CMSS1: variants seen among roughly 807,000 people sequenced by gnomAD.
CMSS1 encodes cms1 ribosomal small subunit homolog.
In CMSS1, 33 loss-of-function variants were observed where a neutral mutation model predicts 43.5. The ratio of observed to expected loss-of-function variants is 0.76; its 90% CI spans 0.57 to 1.01. CMSS1 has a LOEUF of 1.01. Among genes scored for constraint, CMSS1 ranks in the 50% least tolerant of loss-of-function variants. CMSS1 has a pLI of 0.00. For missense variants in CMSS1, 313 were observed against 326.4 expected (o/e 0.96, Z 0.32); for synonymous variants, 115 against 117.2 (o/e 0.98, Z 0.12).
chr3:100,023,790 C>T (rs1245644723), intron 1 of CMSS1, among the ~76,000 whole-genome samples: 1 of 152,178 alleles, frequency 6.6e-6, no homozygotes, highest in African/African-American at 2.4e-5. Context: ...CTCTGCATGT[C>T]TTACTCTCAG....
intron 1 of CMSS1, among the ~76,000 whole-genome samples, chr3:100,093,745 C>G (rs996839274): frequency 1.3e-5 from 2 of 152,196 alleles, no homozygotes; most frequent in African/African-American, 4.8e-5. Context: ...ATCACTACTT[C>G]TCAATTTATA....
rs527824455 is a variant in CMSS1 at position 99,903,890 on chromosome 3, G to T, written c.64+85847G>T. On this transcript the variant is annotated intron_variant, in intron 1 of 9. Transcript: ENST00000421999. ...GTCGTCCCCTGCTGCTTCATTTAATGGTACTCATTTGTCCTAAATAAAAAA... is the reference window on the plus strand; with the variant it reads ...GTCGTCCCCTGCTGCTTCATTTAATTGTACTCATTTGTCCTAAATAAAAAA... Among the ~76,000 whole-genome samples the T allele has an allele frequency of 3.1e-3, 471 of 152,170 alleles. 4 individuals are homozygous for T. The highest frequency in any genetic ancestry group is 0.011 in the African/African-American group (446 of 41,506).
intron 1 of CMSS1, among the ~76,000 whole-genome samples, chr3:99,947,758 G>A (rs1350831319): frequency 1.3e-5 from 2 of 152,176 alleles, no homozygotes; most frequent in African/African-American, 4.8e-5. Context: ...TAGAAGGCAT[G>A]TATACTGCTG....
intron 1 of CMSS1, chr3:99,850,132 TCA>T: frequency 3.7e-6 from 6 of 1,612,246 alleles, no homozygotes; most frequent in Non-Finnish European, 5.1e-6. Context: ...TAATTTATCT[TCA>T]GTTTTCTTTA....
At chr3:100,057,987 ACT>A (rs1186539502) in intron 1 of CMSS1, among the ~76,000 whole-genome samples, 1 of 152,036 alleles carries the variant, frequency 6.6e-6, no homozygotes, top group African/African-American at 2.4e-5. Flanking sequence ...TTAGAGGCTG[ACT>A]CTCTGTGAGG....
intron 1 of CMSS1, among the ~76,000 whole-genome samples, chr3:100,074,354 C>G (rs759299095): frequency 3.3e-5 from 5 of 152,130 alleles, no homozygotes; most frequent in Non-Finnish European, 5.9e-5. Flanking sequence ...AATGTTGTGG[C>G]TTTATTAAAA....
At chr3:99,859,935 G>T (rs528465936) in intron 1 of CMSS1, among the ~76,000 whole-genome samples, 1 of 152,234 alleles carries the variant, frequency 6.6e-6, no homozygotes, top group African/African-American at 2.4e-5. Context: ...ACAAGTCAAA[G>T]GTTTTCTAAA....
chr3:99,960,061 CA>C (rs1708447862), intron 1 of CMSS1, among the ~76,000 whole-genome samples: 1 of 152,086 alleles, frequency 6.6e-6, no homozygotes, highest in African/African-American at 2.4e-5. Flanking sequence ...GTGTGTATAG[CA>C]TTATGCCTCT....
chr3:100,079,365 C>A (rs961795291), intron 1 of CMSS1, among the ~76,000 whole-genome samples: 9 of 152,192 alleles, frequency 5.9e-5, no homozygotes, highest in Non-Finnish European at 1.3e-4. Flanking sequence ...TTGTAACCAT[C>A]TTTAATTTCC....
chr3:100,106,151 A>G (rs2066391673), intron 1 of CMSS1, among the ~76,000 whole-genome samples: 3 of 152,156 alleles, frequency 2.0e-5, no homozygotes, highest in Admixed American at 2.0e-4. Flanking sequence ...TCAGATACAG[A>G]TACCACATAG....
intron 1 of CMSS1, among the ~76,000 whole-genome samples, chr3:100,075,813 T>G (rs1346366481): frequency 1.3e-5 from 2 of 152,186 alleles, no homozygotes; most frequent in African/African-American, 2.4e-5. Flanking sequence ...CTGGGGCAAT[T>G]TATCTCTGAG....
chr3:100,148,134 A>AGTGGCACAATC (rs1339052069), intron 2 of CMSS1, among the ~76,000 whole-genome samples: 1 of 152,182 alleles, frequency 6.6e-6, no homozygotes, highest in African/African-American at 2.4e-5. Flanking sequence ...GCTAGAGGAC[A>AGTGGCACAATC]GTGGCACAAT....
At chr3:99,837,439 G>GAA (rs200867964) in intron 1 of CMSS1, among the ~76,000 whole-genome samples, 5 of 135,800 alleles carry the variant, frequency 3.7e-5, no homozygotes, top group Non-Finnish European at 6.4e-5. Context: ...AGAGAAGAGA[G>GAA]AAAAAAAAAA....
At chr3:100,131,295 G>A (rs1438650619) in intron 1 of CMSS1, among the ~76,000 whole-genome samples, 7 of 152,130 alleles carry the variant, frequency 4.6e-5, no homozygotes, top group Non-Finnish European at 5.9e-5. Context: ...TTTAATCCCC[G>A]TGCTATAGTA....
chr3:99,897,157 G>A (rs1024324701), intron 1 of CMSS1, among the ~76,000 whole-genome samples: 17 of 152,038 alleles, frequency 1.1e-4, no homozygotes, highest in African/African-American at 2.9e-4. Context: ...CCAGAAGTTC[G>A]AGACCAGCCT....
chr3:99,914,629 A>G lies in CMSS1; in HGVS notation c.64+96586A>G, dbSNP rs535112718. On this transcript the variant is annotated intron_variant, in intron 1 of 9. Transcript: ENST00000421999. ...TCTTCTTCATTGTTAGTAATGGTAT[A>G]AATATCTTTTACAGAAGGCAGTTTA... Among the ~76,000 whole-genome samples, 3 of 152,348 alleles carry G rather than the reference A, an allele frequency of 2.0e-5. No homozygotes were observed. In the East Asian group the frequency reaches 5.8e-4, roughly 29 times the overall value.
chr3:99,823,925 C>CTTTT (rs1288112808), intron 1 of CMSS1, among the ~76,000 whole-genome samples: 12 of 141,968 alleles, frequency 8.5e-5, no homozygotes, highest in Non-Finnish European at 1.2e-4. Flanking sequence ...TTCTTTCTTT[C>CTTTT]TTTTTTTTTT....
At chr3:100,017,941 T>C (rs1165286960) in intron 1 of CMSS1, among the ~76,000 whole-genome samples, 3 of 152,152 alleles carry the variant, frequency 2.0e-5, no homozygotes, top group Admixed American at 2.0e-4. Context: ...CTTCTCAGCC[T>C]CCATAATTGC....
At chr3:100,148,526 C>T (rs990869214) in intron 2 of CMSS1, among the ~76,000 whole-genome samples, 4 of 152,186 alleles carry the variant, frequency 2.6e-5, no homozygotes, top group Admixed American at 6.5e-5. Context: ...TGACCCAGCT[C>T]AGGATAACTG....
Sources: gnomAD v4.1 joint callset for allele counts (sites outside exome capture counted in the v4.1 genomes callset) on GRCh38, gnomAD v4.1.1 for gene constraint, MANE v1.5 for transcripts, NCBI Gene and HGNC (gene_info 2026-07-23, HGNC 2026-07-21) for gene names.